DIAPH2: variants seen among roughly 807,000 people sequenced by gnomAD.
DIAPH2 encodes protein diaphanous homolog 2.
Under a neutral mutation model 92.7 loss-of-function variants are expected in DIAPH2, and 35 were observed. That is an observed-to-expected ratio of 0.38 (90% CI 0.29 to 0.50). The LOEUF is 0.50. DIAPH2 is among the 20% of genes least tolerant of loss of function. DIAPH2 has a pLI of 0.94. For missense variants in DIAPH2, 701 were observed against 819.5 expected (o/e 0.86, Z 1.77); for synonymous variants, 301 against 280.4 (o/e 1.07, Z -0.73).
chrX:96,832,183 C>G (rs1361114648), intron 4 of DIAPH2, among the ~76,000 whole-genome samples: 1 of 111,597 alleles, frequency 9.0e-6, no homozygotes, highest in Non-Finnish European at 1.9e-5. Flanking sequence ...GAACAATCTG[C>G]AAAACTAATA....
intron 17 of DIAPH2, among the ~76,000 whole-genome samples, chrX:97,055,736 A>G (rs1383947091): frequency 2.7e-5 from 3 of 111,820 alleles, no homozygotes; most frequent in Non-Finnish European, 5.6e-5. Flanking sequence ...AGTAGAGAAT[A>G]CAATATGGAA....
chrX:97,442,758 C>T (rs765992561), intron 26 of DIAPH2: 2 of 112,237 alleles, frequency 1.8e-5, no homozygotes, highest in South Asian at 7.5e-4. Context: ...AAATTTGAAC[C>T]TTACTCCTGG....
chrX:97,559,073 C>T (rs1446564138), intron 26 of DIAPH2, among the ~76,000 whole-genome samples: 1 of 112,223 alleles, frequency 8.9e-6, no homozygotes, highest in Non-Finnish European at 1.9e-5. Context: ...CAAGGAGCAT[C>T]TGTATTTATT....
intron 26 of DIAPH2, among the ~76,000 whole-genome samples, chrX:97,554,550 A>G (rs2071244043): frequency 8.9e-6 from 1 of 111,997 alleles, no homozygotes; most frequent in African/African-American, 3.2e-5. Context: ...AAAATGAGAA[A>G]GGCTAAAGAC....
chrX:96,784,215 TATCTC>T (rs1483595596), intron 4 of DIAPH2, among the ~76,000 whole-genome samples: 30 of 112,220 alleles, frequency 2.7e-4, no homozygotes, highest in African/African-American at 9.4e-4. Flanking sequence ...GGCATAAAAT[TATCTC>T]ATCTTGCTAA....
At chrX:97,142,101 T>C (rs1312384623) in intron 22 of DIAPH2, among the ~76,000 whole-genome samples, 2 of 111,764 alleles carry the variant, frequency 1.8e-5, no homozygotes, top group Non-Finnish European at 3.8e-5. Context: ...GGAACCATAC[T>C]ATAGGGCTCT....
At chrX:96,726,154 T>C (rs750084862) in intron 1 of DIAPH2, among the ~76,000 whole-genome samples, 2 of 111,910 alleles carry the variant, frequency 1.8e-5, no homozygotes, top group East Asian at 5.6e-4. Context: ...CTAACTGCCT[T>C]ATCTATTTAT....
At chrX:97,417,790 C>G (rs1264518872) in intron 25 of DIAPH2, among the ~76,000 whole-genome samples, 1 of 111,145 alleles carries the variant, frequency 9.0e-6, no homozygotes, top group Non-Finnish European at 1.9e-5. Context: ...CCCTGCCCCT[C>G]TGCCCCTGCC....
intron 17 of DIAPH2, among the ~76,000 whole-genome samples, chrX:97,018,217 C>G (rs1322037218): frequency 8.9e-6 from 1 of 112,061 alleles, no homozygotes; most frequent in Non-Finnish European, 1.9e-5. Flanking sequence ...GTCATGTTAA[C>G]AGGCCTCTAA....
intron 15 of DIAPH2, chrX:96,953,616 A>G (rs2065790650): frequency 8.9e-6 from 1 of 112,127 alleles, no homozygotes; most frequent in South Asian, 3.7e-4. Flanking sequence ...CTTTGTATTT[A>G]GATAAATAAA....
intron 23 of DIAPH2, among the ~76,000 whole-genome samples, chrX:97,294,095 G>T (rs1312246142): frequency 9.0e-6 from 1 of 111,679 alleles, no homozygotes; most frequent in Non-Finnish European, 1.9e-5. Flanking sequence ...ATATTTGAAT[G>T]GATTCCTTGC....
At chrX:96,985,358 G>C (rs1183130303) in intron 17 of DIAPH2, among the ~76,000 whole-genome samples, 1 of 110,498 alleles carries the variant, frequency 9.0e-6, no homozygotes, top group Non-Finnish European at 1.9e-5. Context: ...GCATCTAAGG[G>C]TTCTTTTTGT....
At chrX:96,996,225 G>T (rs781500692) in intron 17 of DIAPH2, among the ~76,000 whole-genome samples, 1 of 111,883 alleles carries the variant, frequency 8.9e-6, no homozygotes. Flanking sequence ...GACCATTTTT[G>T]ATTTAAATTA....
intron 23 of DIAPH2, among the ~76,000 whole-genome samples, chrX:97,277,262 C>G (rs937041470): frequency 9.0e-6 from 1 of 111,409 alleles, no homozygotes; most frequent in Non-Finnish European, 1.9e-5. Flanking sequence ...TACTTGAACC[C>G]AGGAGGCGGA....
intron 3 of DIAPH2, among the ~76,000 whole-genome samples, chrX:96,751,438 T>C (rs2064186779): frequency 9.7e-6 from 1 of 102,852 alleles, no homozygotes; most frequent in Non-Finnish European, 2.0e-5. Context: ...TAGCCGAGCG[T>C]GGTGGTGGGC....
chrX:97,322,362 A>T (rs2068905570), intron 23 of DIAPH2, among the ~76,000 whole-genome samples: 1 of 112,143 alleles, frequency 8.9e-6, no homozygotes, highest in African/African-American at 3.2e-5. Flanking sequence ...AAAAGAAATC[A>T]AATATATTTT....
intron 26 of DIAPH2, among the ~76,000 whole-genome samples, chrX:97,509,992 A>T (rs1268423031): frequency 1.1e-4 from 12 of 111,164 alleles, no homozygotes; most frequent in African/African-American, 3.3e-4. Context: ...TCTTTATAGC[A>T]GCATGATTTA....
At chrX:96,908,935 G>C (rs2065451864) in intron 5 of DIAPH2, among the ~76,000 whole-genome samples, 1 of 111,575 alleles carries the variant, frequency 9.0e-6, no homozygotes, top group Non-Finnish European at 1.9e-5. Flanking sequence ...TGCGGCACTG[G>C]GAGGGCACAG....
chrX:97,296,604 C>T (rs1308264592), intron 23 of DIAPH2, among the ~76,000 whole-genome samples: 1 of 111,369 alleles, frequency 9.0e-6, no homozygotes, highest in Non-Finnish European at 1.9e-5. Context: ...TGTGATTTTA[C>T]ACCATAATTT....
Sources: gnomAD v4.1 joint callset for allele counts (sites outside exome capture counted in the v4.1 genomes callset) on GRCh38, gnomAD v4.1.1 for gene constraint, MANE v1.5 for transcripts, NCBI Gene and HGNC (gene_info 2026-07-23, HGNC 2026-07-21) for gene names.